The following SLC26A8 variants were observed in gnomAD, a reference collection of about 807,000 sequenced individuals.
The protein encoded by SLC26A8 is testis anion transporter 1.
Under a neutral mutation model 105.0 loss-of-function variants are expected in SLC26A8, and 70 were observed. The ratio of observed to expected loss-of-function variants is 0.67; its 90% confidence interval spans 0.55 to 0.81. SLC26A8 has a LOEUF of 0.81. SLC26A8 is among the 40% of genes least tolerant of loss of function. The pLI is 0.00. For missense variants in SLC26A8, 998 were observed against 1,181.8 expected (o/e 0.84, Z 2.28); for synonymous variants, 415 against 438.3 (o/e 0.95, Z 0.66).
chr6:35,998,419 G>T (rs1761420643), intron 4 of SLC26A8, among the ~76,000 whole-genome samples: 1 of 152,040 alleles, frequency 6.6e-6, no homozygotes, highest in Non-Finnish European at 1.5e-5. Flanking sequence ...GCTGGGCATG[G>T]TGGTGCATGC....
In SLC26A8 at chr6:35,955,516, A is replaced by G. The variant is rs760488780; in HGVS notation, c.1868T>C (p.Leu623Pro). The G allele has an allele frequency of 3.1e-6, 5 of 1,613,584 alleles. No individual in the cohort carries two copies. In the South Asian group the frequency reaches 5.5e-5, roughly 18 times the overall value. Residue 623 changes from leucine (L) to proline (P), a missense_variant, in exon 17 of 20, where the codon CTT becomes CCT. Coordinates refer to ENST00000490799, the MANE Select transcript of SLC26A8 (RefSeq NM_052961.4). Reference protein sequence around the residue: ...CDDLEPLPRILYTERFENKLD... With the variant: ...CDDLEPLPRIPYTERFENKLD... ...TTTATTTTCAAATCGCTCTGTGTAAAGAATCTGGGACGACAGAGTTAAGGG... is the reference window on the plus strand; with the variant it reads ...TTTATTTTCAAATCGCTCTGTGTAAGGAATCTGGGACGACAGAGTTAAGGG...
intron 1 of SLC26A8, among the ~76,000 whole-genome samples, chr6:36,020,478 G>A (rs1490522842): frequency 6.6e-6 from 1 of 152,224 alleles, no homozygotes; most frequent in African/African-American, 2.4e-5. Context: ...AAATTAGCTG[G>A]GCATGATGGC....
At position 35,943,548 on chromosome 6, in the gene SLC26A8, T is replaced by A. The variant is rs570286306; in HGVS notation, c.*352A>T. Reference sequence around the variant, plus strand: ...AGTTATACATTTTATTTGAGCTTCATCTCTTTGGAGAAAGGGGAACAGGGA... The same window carrying A: ...AGTTATACATTTTATTTGAGCTTCAACTCTTTGGAGAAAGGGGAACAGGGA... On this transcript the variant is annotated 3_prime_UTR_variant, in exon 20 of 20. Transcript: ENST00000490799. 2.0e-4 allele frequency: 46 copies of A among 225,460 alleles called. No homozygotes were observed. The highest frequency in any genetic ancestry group is 1.8e-3 in the Middle Eastern group (1 of 568). 14.0% of individuals were successfully genotyped at this position (225,460 alleles called of 1,614,324 possible).
intron 2 of SLC26A8, among the ~76,000 whole-genome samples, chr6:36,015,939 G>A (rs1324185100): frequency 6.6e-6 from 1 of 151,840 alleles, no homozygotes; most frequent in Non-Finnish European, 1.5e-5. Flanking sequence ...GTGTGACTGA[G>A]GACAACTTGA....
intron 9 of SLC26A8, among the ~76,000 whole-genome samples, chr6:35,975,703 C>T (rs1055619464): frequency 2.0e-5 from 3 of 151,556 alleles, no homozygotes; most frequent in Admixed American, 1.3e-4. Flanking sequence ...CACCTGAGGT[C>T]GGGAGTTTGA....
At chr6:35,983,918 T>C (rs1394382873) in intron 7 of SLC26A8, among the ~76,000 whole-genome samples, 1 of 152,132 alleles carries the variant, frequency 6.6e-6, no homozygotes, top group African/African-American at 2.4e-5. Context: ...ATCTAAACAT[T>C]AGTAATTTCT....
At chr6:35,953,292 G>A (rs1266031356) in intron 17 of SLC26A8, among the ~76,000 whole-genome samples, 1 of 152,086 alleles carries the variant, frequency 6.6e-6, no homozygotes, top group Admixed American at 6.6e-5. Context: ...CAGAACATAT[G>A]GTGCCTCTAC....
chr6:35,980,874 G>A (rs559549590), intron 8 of SLC26A8, among the ~76,000 whole-genome samples: 10 of 152,212 alleles, frequency 6.6e-5, no homozygotes, highest in South Asian at 4.2e-4. Flanking sequence ...TTAGCCAGGC[G>A]TGGTGGCAGG....
chr6:35,985,836 A>T (rs1773497882), intron 7 of SLC26A8, among the ~76,000 whole-genome samples: 1 of 151,116 alleles, frequency 6.6e-6, no homozygotes, highest in Non-Finnish European at 1.5e-5. Context: ...CACCCTACAA[A>T]CTCCATATAC....
At chr6:35,988,465 T>C (rs1330381980) in intron 7 of SLC26A8, among the ~76,000 whole-genome samples, 1 of 151,870 alleles carries the variant, frequency 6.6e-6, no homozygotes, top group Non-Finnish European at 1.5e-5. Context: ...GAAACCCCCA[T>C]CTCTACTAAA....
Position 35,944,345 on chromosome 6 carries a change from A to C in SLC26A8, c.2473-5T>G. ...TTTATATCTTGAATTGTCATTCTGAAATACAATTAGGTGGGTTAAAATTTC... is the reference window on the plus strand; with the variant it reads ...TTTATATCTTGAATTGTCATTCTGACATACAATTAGGTGGGTTAAAATTTC... On this transcript the variant is annotated splice_polypyrimidine_tract_variant and splice_region_variant and intron_variant, in intron 19 of 19. Transcript: ENST00000490799. 1 of 1,593,618 alleles carries C rather than the reference A, an allele frequency of 6.3e-7. No individual in the cohort carries two copies. Among genetic ancestry groups the C allele is most frequent in the South Asian group, 1.1e-5 (1 of 90,608 alleles).
Position 36,010,536 on chromosome 6 carries a change from C to CTTT in SLC26A8, c.328+1694_328+1696dup, listed in dbSNP as rs1173055463. Among the ~76,000 whole-genome samples the CTTT allele has an allele frequency of 1.9e-3, 228 of 118,250 alleles. 1 individual carries two copies. The highest frequency in any genetic ancestry group is 4.5e-3 in the Middle Eastern group (1 of 222). 77.6% of individuals were successfully genotyped at this position (118,250 alleles called of 152,430 possible). A position where few individuals can be genotyped will look rare whatever the true frequency, so the allele number is the denominator to read the frequency against. On this transcript the variant is annotated intron_variant, in intron 3 of 19. Coordinates refer to ENST00000490799, the MANE Select transcript of SLC26A8 (RefSeq NM_052961.4). ...GGTTACACAAATCTATATATGTATT[C>CTTT]TTTTTTTTTTTTTTTTTTTTGAGAT...
intron 5 of SLC26A8, among the ~76,000 whole-genome samples, chr6:35,994,521 G>A (rs1392878564): frequency 2.7e-5 from 4 of 150,814 alleles, no homozygotes; most frequent in Non-Finnish European, 5.9e-5. Flanking sequence ...TCCTACTTCT[G>A]TGCTTATGCA....
At chr6:35,997,054 G>C (rs1761374847) in intron 5 of SLC26A8, among the ~76,000 whole-genome samples, 1 of 151,746 alleles carries the variant, frequency 6.6e-6, no homozygotes. Context: ...AAAAGAATAT[G>C]AAGCAATTTT....
At chr6:35,953,860 T>G (rs901948910) in intron 17 of SLC26A8, among the ~76,000 whole-genome samples, 1 of 152,168 alleles carries the variant, frequency 6.6e-6, no homozygotes, top group Non-Finnish European at 1.5e-5. Flanking sequence ...AGCTTCCTTT[T>G]GCCCCAGACC....
intron 19 of SLC26A8, among the ~76,000 whole-genome samples, chr6:35,949,702 G>T (rs967567654): frequency 1.3e-5 from 2 of 151,664 alleles, no homozygotes; most frequent in African/African-American, 2.4e-5. Context: ...TATAGTAAAA[G>T]CAGACTGCAT....
At chr6:36,018,615 C>A (rs1019282961) in intron 2 of SLC26A8, among the ~76,000 whole-genome samples, 1 of 152,130 alleles carries the variant, frequency 6.6e-6, no homozygotes, top group Non-Finnish European at 1.5e-5. Context: ...GTCAATCATG[C>A]CACTGAATTG....
At chr6:36,018,035 C>T (rs983458649) in intron 2 of SLC26A8, among the ~76,000 whole-genome samples, 1 of 152,102 alleles carries the variant, frequency 6.6e-6, no homozygotes, top group Admixed American at 6.5e-5. Context: ...TGGAAAATAA[C>T]AAATGTTGGA....
intron 2 of SLC26A8, among the ~76,000 whole-genome samples, chr6:36,014,480 AG>A (rs1397657609): frequency 2.0e-5 from 3 of 149,462 alleles, no homozygotes; most frequent in South Asian, 4.1e-4. Flanking sequence ...TTTTGATAAG[AG>A]GGGGGATTTG....
Sources: gnomAD v4.1 joint callset for allele counts (sites outside exome capture counted in the v4.1 genomes callset) on GRCh38, gnomAD v4.1.1 for gene constraint, MANE v1.5 for transcripts, NCBI Gene and HGNC (gene_info 2026-07-23, HGNC 2026-07-21) for gene names.